ACAT1: variants seen among roughly 807,000 people sequenced by gnomAD.
The protein encoded by ACAT1 is acetyl-CoA acetyltransferase, mitochondrial.
In ACAT1, 28 loss-of-function variants were observed where a neutral mutation model predicts 47.3. That is an observed-to-expected ratio of 0.59 (90% CI 0.44 to 0.81). The LOEUF (loss-of-function observed/expected upper bound fraction) is 0.81, where lower values mean the gene tolerates loss of function less well. Among genes scored for constraint, ACAT1 ranks in the 30% least tolerant of loss-of-function variants. The pLI is 0.00. For synonymous variants in ACAT1, 181 were observed against 173.6 expected, an observed-to-expected ratio of 1.04 and a Z score of -0.34; for missense variants, 469 against 524.3, an observed-to-expected ratio of 0.89 and a Z score of 1.03.
chr11:108,121,018 T>G (rs2077138878), upstream of ACAT1, among the ~76,000 whole-genome samples: 1 of 152,056 alleles, frequency 6.6e-6, no homozygotes, highest in East Asian at 1.9e-4. Context: ...CTGGCCAACA[T>G]GGTGAAACCC....
At chr11:108,124,364 A>G (rs983086798) in intron 1 of ACAT1, among the ~76,000 whole-genome samples, 1 of 152,134 alleles carries the variant, frequency 6.6e-6, no homozygotes, top group Non-Finnish European at 1.5e-5. Flanking sequence ...CCCGGGTTCA[A>G]GCAGTTCTCC....
At chr11:108,138,804 G>T in intron 5 of ACAT1, 94 bp from the exon 6 acceptor site, 1 of 1,378,404 alleles carries the variant, frequency 7.3e-7, no homozygotes, top group South Asian at 1.2e-5. Context: ...ATAAATGCAT[G>T]TAGAATACTT....
At chr11:108,117,305 C>G (rs1342348772), upstream of ACAT1, among the ~76,000 whole-genome samples, 1 of 149,352 alleles carries the variant, frequency 6.7e-6, no homozygotes, top group Non-Finnish European at 1.5e-5. Context: ...GGCTCTGTCT[C>G]TCTCTTTTTT....
upstream of ACAT1, among the ~76,000 whole-genome samples, chr11:108,118,759 A>G (rs544551440): frequency 3.0e-4 from 45 of 152,310 alleles, 1 homozygote; most frequent in Middle Eastern, 6.8e-3. Flanking sequence ...TTTGAAGTTT[A>G]GTTTTAAAGA....
chr11:108,123,444 A>T lies in ACAT1; in HGVS notation c.72+1766A>T, dbSNP rs115143250. On this transcript the variant is annotated intron_variant, in intron 1 of 11. Coordinates refer to ENST00000265838, the MANE Select transcript of ACAT1 (RefSeq NM_000019.4). ...TTTGTAGAATGGAATTTGACCTCTC[A>T]TTACATTGGCTCTTTTCCCTTTGCT... Among the ~76,000 whole-genome samples, 519 of 152,272 alleles carry T rather than the reference A, an allele frequency of 3.4e-3. 2 individuals carry two copies. The highest frequency in any genetic ancestry group is 0.012 in the African/African-American group (496 of 41,556).
At chr11:108,118,134 T>C (rs1864986102), upstream of ACAT1, among the ~76,000 whole-genome samples, 1 of 152,164 alleles carries the variant, frequency 6.6e-6, no homozygotes, top group South Asian at 2.1e-4. Flanking sequence ...AATTTTTTCT[T>C]TGGCCAGGTG....
At chr11:108,147,057 C>T (rs571001660) in intron 11 of ACAT1, among the ~76,000 whole-genome samples, 5 of 152,200 alleles carry the variant, frequency 3.3e-5, no homozygotes, top group South Asian at 4.2e-4. Flanking sequence ...TCCAGCCTGG[C>T]GACAGAGCGA....
At chr11:108,146,712 A>G (rs374448960) in intron 11 of ACAT1, among the ~76,000 whole-genome samples, 73 of 152,282 alleles carry the variant, frequency 4.8e-4, no homozygotes, top group African/African-American at 1.7e-3. Context: ...CAGTCACCCA[A>G]TATGTAGTTT....
chr11:108,127,744 G>C (rs915314696), intron 1 of ACAT1: 5 of 152,256 alleles, frequency 3.3e-5, no homozygotes, highest in African/African-American at 1.2e-4. Flanking sequence ...AGGAGTCCAC[G>C]TTTGTAATGG....
At chr11:108,139,939 C>A in intron 6 of ACAT1, 126 bp from the exon 7 acceptor site, 3 of 1,220,782 alleles carry the variant, frequency 2.5e-6, no homozygotes, top group South Asian at 1.4e-5. Flanking sequence ...GCATGAGCCA[C>A]CACCTCCGGC....
intron 9 of ACAT1, 21 bp from the exon 10 acceptor site, chr11:108,143,962 C>T (rs2077644992): frequency 9.9e-6 from 12 of 1,207,480 alleles, no homozygotes; most frequent in Non-Finnish European, 1.3e-5. Flanking sequence ...TAACAACCCC[C>T]CCCCCCCTTT....
At chr11:108,121,852 C>G in intron 1 of ACAT1, 174 bp downstream of exon 1, 1 of 648,124 alleles carries the variant, frequency 1.5e-6, no homozygotes, top group Non-Finnish European at 2.6e-6. Context: ...CCGATAACAC[C>G]CAGGGACTCG....
upstream of ACAT1, among the ~76,000 whole-genome samples, chr11:108,120,457 C>T (rs180846094): frequency 2.5e-4 from 38 of 152,064 alleles, no homozygotes; most frequent in African/African-American, 8.7e-4. Flanking sequence ...AGGAGGATCC[C>T]CTGAGACCAG....
intron 7 of ACAT1, among the ~76,000 whole-genome samples, chr11:108,140,915 C>T (rs888453912): frequency 2.0e-5 from 3 of 151,840 alleles, no homozygotes; most frequent in Non-Finnish European, 2.9e-5. Context: ...GAAAAGGGGA[C>T]ATGGAGGTGT....
At chr11:108,131,452 A>G (rs918511836) in intron 1 of ACAT1, among the ~76,000 whole-genome samples, 2 of 145,054 alleles carry the variant, frequency 1.4e-5, no homozygotes, top group Non-Finnish European at 3.0e-5. Context: ...CCTGGGTTCA[A>G]GCTATTCTCC....
At chr11:108,122,564 G>A (rs554078805) in intron 1 of ACAT1, among the ~76,000 whole-genome samples, 4 of 152,210 alleles carry the variant, frequency 2.6e-5, no homozygotes, top group African/African-American at 4.8e-5. Context: ...TAGTTCTTAC[G>A]TCTGGGCGTA....
At chr11:108,127,638 C>G (rs1456206421) in intron 1 of ACAT1, among the ~76,000 whole-genome samples, 3 of 152,102 alleles carry the variant, frequency 2.0e-5, no homozygotes, top group Non-Finnish European at 4.4e-5. Flanking sequence ...TAAAAGAGGC[C>G]TGGAACAAAG....
In ACAT1 at chr11:108,142,500, C is replaced by A. The variant is rs886041122; in HGVS notation, c.890C>A (p.Thr297Lys). 8.7e-6 allele frequency: 14 copies of A among 1,614,002 alleles called. No individual in the cohort carries two copies. Among genetic ancestry groups the A allele is most frequent in the African/African-American group, 1.3e-5 (1 of 74,902 alleles). ...NDGAAALVLM[T>K]ADAAKRLNVT... Reference sequence around the variant, plus strand: ...GGAGCAGCTGCTCTGGTTCTCATGACGGCAGATGCAGCGAAGAGGCTCAAT... The same window carrying A: ...GGAGCAGCTGCTCTGGTTCTCATGAAGGCAGATGCAGCGAAGAGGCTCAAT... Residue 297 changes from threonine to lysine, a missense_variant, in exon 9 of 12, where the codon ACG (threonine) becomes AAG (lysine). Thr to Lys is a moderately conservative substitution (Grantham distance 78). Coordinates refer to ENST00000265838, the MANE Select transcript of ACAT1 (RefSeq NM_000019.4).
At chr11:108,139,747 G>A (rs1213076534) in intron 6 of ACAT1, among the ~76,000 whole-genome samples, 1 of 151,950 alleles carries the variant, frequency 6.6e-6, no homozygotes, top group African/African-American at 2.4e-5. Context: ...TGCAGCCTCC[G>A]CCTCCTGGGC....
Sources: gnomAD v4.1 joint callset for allele counts (sites outside exome capture counted in the v4.1 genomes callset) on GRCh38, gnomAD v4.1.1 for gene constraint, MANE v1.5 for transcripts, NCBI Gene and HGNC (gene_info 2026-07-23, HGNC 2026-07-21) for gene names.